The following SMARCD2 variants were observed in gnomAD, a reference collection of about 807,000 sequenced individuals.
SMARCD2 encodes SWI/SNF-related matrix-associated actin-dependent regulator of chromatin subfamily D member 2.
In SMARCD2, 39 loss-of-function variants were observed where a neutral mutation model predicts 70.4. The observed-to-expected ratio is 0.55, with a 90% CI of 0.43 to 0.72. The LOEUF is 0.72. Ranked by LOEUF, SMARCD2 falls within the 30% of genes least tolerant of loss-of-function variation. SMARCD2 has a pLI of 0.00. For missense variants in SMARCD2, 540 were observed against 713.4 expected (o/e 0.76, Z 2.77); for synonymous variants, 249 against 279.4 (o/e 0.89, Z 1.08).
Position 63,834,102 on chromosome 17 carries a change from A to G in SMARCD2, c.1083+65T>C. On this transcript the variant is annotated intron_variant, in intron 8 of 12. Coordinates refer to ENST00000448276, the MANE Select transcript of SMARCD2 (RefSeq NM_001098426.2). The surrounding 1 kb of genome is among the most constrained non-coding windows in gnomAD (Gnocchi z 5.6). ...GGGCAGCAGTCTGCAGGCTGTGGCC[A>G]AGGAGTAGCCCAGCAGGCAAGGCAA... 1 of 1,599,632 alleles carries G rather than the reference A, an allele frequency of 6.3e-7. No homozygotes were observed. Among genetic ancestry groups the G allele is most frequent in the African/African-American group, 1.3e-5 (1 of 74,840 alleles).
chr17:63,835,721 T>G, intron 4 of SMARCD2, 154 bp from the exon 5 acceptor site: 1 of 602,712 alleles, frequency 1.7e-6, no homozygotes, highest in Non-Finnish European at 2.8e-6. Context: ...AAGTAGTAAG[T>G]CCCAGTCCCA....
chr17:63,832,842 C>T lies in SMARCD2; in HGVS notation c.*96G>A. On this transcript the variant is annotated 3_prime_UTR_variant, in exon 13 of 13. Transcript: ENST00000448276. ...GGAGAGTAGAGGGTGACAGCAGACA[C>T]TCCTCACCCCAGCCTACGTGTCTGC... The T allele has an allele frequency of 1.0e-6, 1 of 1,002,676 alleles. No homozygotes were observed. Among genetic ancestry groups the T allele is most frequent in the Non-Finnish European group, 1.5e-6 (1 of 648,474 alleles). The allele number at this position is 1,002,676 out of a possible 1,614,324, so 62.1% of individuals were successfully genotyped here. A position where few individuals can be genotyped will look rare whatever the true frequency, so the allele number is the denominator to read the frequency against.
rs1483117977 is a variant in SMARCD2, at chr17:63,837,744, C to G, written c.217-119G>C. On this transcript the variant is annotated intron_variant, in intron 1 of 12. Transcript: ENST00000448276. This position sits in a 1 kb window ranked among gnomAD's most constrained non-coding sequence, Gnocchi z 6.4. ...AGGGCCTGAGCAGCACACCAGAGCC[C>G]TGCTGGAGCCCCAGGAACAAAGGGG... 1.3e-6 allele frequency: 1 copy of G among 778,112 alleles called. No homozygotes were observed. Among genetic ancestry groups the G allele is most frequent in the Non-Finnish European group, 2.0e-6 (1 of 489,216 alleles). The allele number at this position is 778,112 out of a possible 1,614,324, so 48.2% of individuals were successfully genotyped here. A position where few individuals can be genotyped will look rare whatever the true frequency, so the allele number is the denominator to read the frequency against.
At chr17:63,835,095 G>T in intron 5 of SMARCD2, 1 of 531,840 alleles carries the variant, frequency 1.9e-6, no homozygotes, top group Non-Finnish European at 3.3e-6. Context: ...CCTATGGCAG[G>T]ACTTCTCTGG....
At position 63,833,521 on chromosome 17, in the gene SMARCD2, T is replaced by C; in HGVS notation, c.1317+66A>G. The stretch of plus-strand genomic sequence containing the variant: ...CCTCCAGGTGCTACATGTATGGAAA[T>C]GCTGGACAGAGCCAGCCCACCCCAA... On this transcript the variant is annotated intron_variant, in intron 10 of 12. Coordinates refer to ENST00000448276, the MANE Select transcript of SMARCD2 (RefSeq NM_001098426.2). This position sits in a 1 kb window ranked among gnomAD's most constrained non-coding sequence, Gnocchi z 4.3. The C allele has an allele frequency of 6.2e-7, 1 of 1,611,714 alleles. No homozygotes were observed. Among genetic ancestry groups the C allele is most frequent in the South Asian group, 1.1e-5 (1 of 90,966 alleles).
intron 5 of SMARCD2, chr17:63,835,069 G>A (rs1177182643): frequency 3.3e-5 from 18 of 545,938 alleles, no homozygotes; most frequent in Non-Finnish European, 5.5e-5. Context: ...AACGGGCTTG[G>A]AGCAGCGCCC....
chr17:63,841,079 G>T (rs1390175542), intron 1 of SMARCD2, among the ~76,000 whole-genome samples: 1 of 152,254 alleles, frequency 6.6e-6, no homozygotes, highest in African/African-American at 2.4e-5. Flanking sequence ...AGGCCCAAGG[G>T]CTACAATGAA....
At chr17:63,836,081 G>A (rs1393516693) in intron 4 of SMARCD2, among the ~76,000 whole-genome samples, 1 of 152,066 alleles carries the variant, frequency 6.6e-6, no homozygotes, top group African/African-American at 2.4e-5. Context: ...TGCCAGCACA[G>A]TGGGACTGGT....
rs948946264 is a variant in SMARCD2 at position 63,842,245 on chromosome 17, C to T, written c.216+214G>A. The T allele has an allele frequency of 1.8e-5, 15 of 851,208 alleles. No homozygotes were observed. In the South Asian group the frequency reaches 6.1e-4, roughly 35 times the overall value. The allele number at this position is 851,208 out of a possible 1,614,324, so 52.7% of individuals were successfully genotyped here. On this transcript the variant is annotated intron_variant, in intron 1 of 12. Transcript: ENST00000448276. ...TGTGCCGCGGAAGCCCCCAGGCCTCCCAGCTGCTTCCAGCCCTCCGCTGCA... is the reference window on the plus strand; with the variant it reads ...TGTGCCGCGGAAGCCCCCAGGCCTCTCAGCTGCTTCCAGCCCTCCGCTGCA...
In SMARCD2 at chr17:63,833,692, G is replaced by A. The variant is rs1351546032; in HGVS notation, c.1212C>T (p.Ala404=). Residue 404 remains alanine (A), a synonymous_variant, in exon 10 of 13, where the codon GCC becomes GCT. Coordinates refer to ENST00000448276, the MANE Select transcript of SMARCD2 (RefSeq NM_001098426.2). The surrounding 1 kb of genome is among the most constrained non-coding windows in gnomAD (Gnocchi z 4.3). The part of the protein sequence containing the change: ...SVDPNDQKKT[A]CYDIDVEVDD... ...CCACCTCCACATCGATGTCGTAACA[G>A]GCTGTCTTCTTCTGGTCGTTAGGGT... The A allele has an allele frequency of 4.3e-6, 7 of 1,613,840 alleles. No individual in the cohort carries two copies. The highest frequency in any genetic ancestry group is 5.9e-6 in the Non-Finnish European group (7 of 1,179,896).
chr17:63,839,209 C>T (rs1221276921), intron 1 of SMARCD2: 2 of 985,302 alleles, frequency 2.0e-6, no homozygotes, highest in Non-Finnish European at 2.4e-6. Flanking sequence ...CAGGCCCAGA[C>T]ATCCCAGACT....
chr17:63,833,015 G>T lies in SMARCD2; in HGVS notation c.1543-24C>A. On this transcript the variant is annotated intron_variant, in intron 12 of 12. Coordinates refer to ENST00000448276, the MANE Select transcript of SMARCD2 (RefSeq NM_001098426.2). This position sits in a 1 kb window ranked among gnomAD's most constrained non-coding sequence, Gnocchi z 4.3. ...ACCTGGAGAAGGGAGAAACCAAGTG[G>T]CTCAGGCCTTTGCTACTCACGGCCA... 6.3e-7 allele frequency: 1 copy of T among 1,586,722 alleles called. No homozygotes were observed.
intron 4 of SMARCD2, among the ~76,000 whole-genome samples, chr17:63,835,855 T>A (rs2584619): frequency 0.69 from 104,859 of 151,234 alleles, 37,572 homozygotes; most frequent in African/African-American, 0.9. Context: ...CAGTCTCCCA[T>A]GTAGCTGGGA....
intron 5 of SMARCD2, chr17:63,835,068 G>A: frequency 1.8e-6 from 1 of 545,318 alleles, no homozygotes; most frequent in South Asian, 2.4e-5. Flanking sequence ...CAACGGGCTT[G>A]GAGCAGCGCC....
chr17:63,836,828 C>T (rs535820143), intron 4 of SMARCD2, 94 bp downstream of exon 4: 2 of 1,291,122 alleles, frequency 1.5e-6, no homozygotes, highest in East Asian at 2.3e-5. Flanking sequence ...TGTGAAAAAC[C>T]CGGCTCTAGC....
chr17:63,837,592 T>C lies in SMARCD2; in HGVS notation c.250A>G (p.Met84Val), dbSNP rs1050647569. 2.9e-5 allele frequency: 46 copies of C among 1,613,022 alleles called. No individual in the cohort carries two copies. The highest frequency in any genetic ancestry group is 1.7e-4 in the Middle Eastern group (1 of 6,052). The change falls in exon 2 of 13, where the codon ATG (methionine) becomes GTG (valine). Residue 84 changes from methionine to valine, a missense_variant. Transcript: ENST00000448276. The surrounding 1 kb of genome is among the most constrained non-coding windows in gnomAD (Gnocchi z 6.4). ...GGGGGTCCCACCTGCAAGCCAGCCA[T>C]GGGCATCCGGTTCCCTGGTGACATG... ...PGMSPGNRMPMAGLQVGPPAG... is the reference protein window; with the variant it reads ...PGMSPGNRMPVAGLQVGPPAG...
Position 63,834,645 on chromosome 17 carries a change from G to A in SMARCD2, c.819+60C>T. ...GAACACAGGGCCTCCCAAGGGCCCT[G>A]AGGCCATTTCCCTGCCAAACCTGCA... On this transcript the variant is annotated intron_variant, in intron 6 of 12. Coordinates refer to ENST00000448276, the MANE Select transcript of SMARCD2 (RefSeq NM_001098426.2). This position sits in a 1 kb window ranked among gnomAD's most constrained non-coding sequence, Gnocchi z 5.6. 8 of 1,572,580 alleles carry A rather than the reference G, an allele frequency of 5.1e-6. No homozygotes were observed. In the Admixed American group the frequency reaches 1.3e-4, roughly 26 times the overall value.
intron 1 of SMARCD2, among the ~76,000 whole-genome samples, chr17:63,839,986 G>A (rs374026866): frequency 2.0e-5 from 3 of 152,036 alleles, no homozygotes; most frequent in African/African-American, 7.2e-5. Context: ...AAAATTAGCC[G>A]GGCGTGGTGG....
At chr17:63,839,008 T>C (rs1904335035) in intron 1 of SMARCD2, 1 of 985,038 alleles carries the variant, frequency 1.0e-6, no homozygotes, top group Admixed American at 6.2e-5. Context: ...ACGGAAGTGT[T>C]TGGGAGAATA....
Sources: allele counts gnomAD v4.1 joint callset (sites outside exome capture counted in the v4.1 genomes callset), GRCh38; gene constraint gnomAD v4.1.1; non-coding constraint Gnocchi (gnomAD v3.1); transcripts MANE v1.5; gene names NCBI Gene and HGNC (gene_info 2026-07-23, HGNC 2026-07-21).